The following ARHGAP28 variants were observed in gnomAD, a reference collection of about 807,000 sequenced individuals.
ARHGAP28 encodes the protein rho GTPase-activating protein 28.
ARHGAP28 carries 56 observed loss-of-function variants against 90.7 expected under a neutral mutation model. The ratio of observed to expected loss-of-function variants is 0.62; its 90% CI spans 0.50 to 0.77. The LOEUF (loss-of-function observed/expected upper bound fraction) is 0.77, where lower values mean the gene tolerates loss of function less well. ARHGAP28 is among the 30% of genes least tolerant of loss of function. The probability of loss-of-function intolerance (pLI) is 0.00; values close to 1 mark genes in which losing one functional copy is unlikely to be tolerated. For missense variants in ARHGAP28, 869 were observed against 900.9 expected, an observed-to-expected ratio of 0.96 and a Z score of 0.45; for synonymous variants, 308 against 323.3, an observed-to-expected ratio of 0.95 and a Z score of 0.51.
chr18:6,894,510 C>T (rs970020990), intron 14 of ARHGAP28, among the ~76,000 whole-genome samples: 3 of 152,216 alleles, frequency 2.0e-5, no homozygotes, highest in Non-Finnish European at 4.4e-5. Context: ...ACCTTTGCTT[C>T]TCTGCTTCTT....
intron 1 of ARHGAP28, among the ~76,000 whole-genome samples, chr18:6,771,995 C>A (rs1296128843): frequency 6.6e-6 from 1 of 152,122 alleles, no homozygotes; most frequent in Non-Finnish European, 1.5e-5. Flanking sequence ...ATCACATATA[C>A]CCCATAAATA....
At chr18:6,906,146 A>T (rs540756113) in intron 16 of ARHGAP28, among the ~76,000 whole-genome samples, 2 of 152,222 alleles carry the variant, frequency 1.3e-5, no homozygotes, top group African/African-American at 4.8e-5. Flanking sequence ...GGCTGATTAT[A>T]TAAAAGGTAG....
At chr18:6,769,469 T>C (rs542089368) in intron 1 of ARHGAP28, among the ~76,000 whole-genome samples, 3 of 152,258 alleles carry the variant, frequency 2.0e-5, no homozygotes, top group African/African-American at 7.2e-5. Flanking sequence ...ATCAATGCTA[T>C]TCATTTAGGA....
At chr18:6,792,801 C>T (rs960181090) in intron 1 of ARHGAP28, among the ~76,000 whole-genome samples, 2 of 152,134 alleles carry the variant, frequency 1.3e-5, no homozygotes, top group African/African-American at 2.4e-5. Flanking sequence ...GCTCCAATCC[C>T]TTTTTTCCTC....
chr18:6,845,759 C>A (rs934179187), intron 3 of ARHGAP28, among the ~76,000 whole-genome samples: 1 of 152,172 alleles, frequency 6.6e-6, no homozygotes, highest in Non-Finnish European at 1.5e-5. Context: ...TGACCTCATT[C>A]CTTTTTATGG....
intron 2 of ARHGAP28, among the ~76,000 whole-genome samples, chr18:6,830,433 C>A (rs376517369): frequency 3.9e-5 from 6 of 151,958 alleles, no homozygotes; most frequent in African/African-American, 1.5e-4. Context: ...ACCCATCGAC[C>A]CTTCACCTAC....
At chr18:6,797,526 C>T (rs2056449892) in intron 1 of ARHGAP28, among the ~76,000 whole-genome samples, 1 of 152,128 alleles carries the variant, frequency 6.6e-6, no homozygotes, top group Non-Finnish European at 1.5e-5. Flanking sequence ...CTTCTGTTTC[C>T]TTTTGTCTTC....
intron 6 of ARHGAP28, 87 bp from the exon 7 acceptor site, chr18:6,870,503 T>C: frequency 7.4e-7 from 1 of 1,356,444 alleles, no homozygotes; most frequent in Non-Finnish European, 1.0e-6. Context: ...GATTCACTTG[T>C]AAATATTTTG....
chr18:6,795,582 C>T (rs1343877068), intron 1 of ARHGAP28, among the ~76,000 whole-genome samples: 2 of 152,290 alleles, frequency 1.3e-5, no homozygotes, highest in South Asian at 2.1e-4. Flanking sequence ...TGGCAGCTGG[C>T]GTGTAGCCAT....
At chr18:6,826,652 T>C (rs2056665578) in intron 2 of ARHGAP28, among the ~76,000 whole-genome samples, 1 of 151,336 alleles carries the variant, frequency 6.6e-6, no homozygotes, top group Non-Finnish European at 1.5e-5. Context: ...AAGGAAGCCC[T>C]TCTGCTTCCA....
intron 10 of ARHGAP28, among the ~76,000 whole-genome samples, chr18:6,877,952 CTG>C (rs147702310): frequency 4.5e-4 from 67 of 149,628 alleles, no homozygotes; most frequent in Non-Finnish European, 6.7e-4. Context: ...ACTGGTTCCT[CTG>C]TGTGTGTGTG....
intron 15 of ARHGAP28, 116 bp downstream of exon 15, chr18:6,895,007 T>C: frequency 9.7e-7 from 1 of 1,028,024 alleles, no homozygotes; most frequent in Non-Finnish European, 1.5e-6. Flanking sequence ...CTTGACATTT[T>C]CAATGTGGCA....
intron 1 of ARHGAP28, among the ~76,000 whole-genome samples, chr18:6,759,841 CTG>C (rs1020805904): frequency 6.6e-6 from 1 of 152,148 alleles, no homozygotes; most frequent in African/African-American, 2.4e-5. Flanking sequence ...TGTTTAAAAA[CTG>C]TGGTCACAGG....
chr18:6,899,393 C>T (rs933012828), intron 16 of ARHGAP28, among the ~76,000 whole-genome samples: 8 of 152,238 alleles, frequency 5.3e-5, no homozygotes, highest in African/African-American at 1.9e-4. Flanking sequence ...CAGAGCACTG[C>T]GGAAACTTCC....
At chr18:6,866,920 A>T (rs994551061) in intron 5 of ARHGAP28, among the ~76,000 whole-genome samples, 3 of 152,230 alleles carry the variant, frequency 2.0e-5, no homozygotes, top group African/African-American at 7.2e-5. Context: ...AGTCTGACAA[A>T]GCATTTCTTT....
At chr18:6,855,524 T>A (rs2056945859) in intron 4 of ARHGAP28, among the ~76,000 whole-genome samples, 1 of 152,208 alleles carries the variant, frequency 6.6e-6, no homozygotes, top group South Asian at 2.1e-4. Context: ...TCTGTCTTGC[T>A]CACCCTCCCA....
intron 1 of ARHGAP28, among the ~76,000 whole-genome samples, chr18:6,811,270 A>G (rs912840773): frequency 6.6e-6 from 1 of 152,212 alleles, no homozygotes; most frequent in South Asian, 2.1e-4. Flanking sequence ...TTCATTGACT[A>G]AATGAATAAA....
chr18:6,785,256 C>T (rs1353679521), intron 1 of ARHGAP28, among the ~76,000 whole-genome samples: 1 of 152,132 alleles, frequency 6.6e-6, no homozygotes, highest in African/African-American at 2.4e-5. Context: ...AGTAGTAGAA[C>T]ACTTTTTCAT....
intron 1 of ARHGAP28, among the ~76,000 whole-genome samples, chr18:6,808,420 T>G (rs2056534239): frequency 1.3e-5 from 2 of 152,196 alleles, no homozygotes; most frequent in South Asian, 4.1e-4. Context: ...TTGAGATTTT[T>G]CTTCTCATTA....
Sources: allele counts gnomAD v4.1 joint callset (sites outside exome capture counted in the v4.1 genomes callset), GRCh38; gene constraint gnomAD v4.1.1; transcripts MANE v1.5; gene names NCBI Gene and HGNC (gene_info 2026-07-23, HGNC 2026-07-21).